CHD8: variants seen among roughly 807,000 people sequenced by gnomAD.
The protein encoded by CHD8 is ATP-dependent chromatin remodeler CHD8.
A neutral mutation model predicts 279.2 loss-of-function variants in CHD8; 31 were observed. The ratio of observed to expected loss-of-function variants is 0.11; its 90% CI spans 0.08 to 0.15. The LOEUF (loss-of-function observed/expected upper bound fraction) is 0.15. Among genes scored for constraint, CHD8 ranks in the 10% least tolerant of loss-of-function variants. The pLI is 1.00. For synonymous variants in CHD8, 1,081 were observed against 1,139.6 expected, an observed-to-expected ratio of 0.95 and a Z score of 1.04; for missense variants, 2,146 against 3,230.5, an observed-to-expected ratio of 0.66 and a Z score of 8.14.
intron 1 of CHD8, among the ~76,000 whole-genome samples, chr14:21,453,236 T>C (rs1294065084): frequency 6.6e-6 from 1 of 151,634 alleles, no homozygotes; most frequent in Admixed American, 6.6e-5. Context: ...GTTTCAATTT[T>C]CACGAGGTCA....
intron 1 of CHD8, among the ~76,000 whole-genome samples, chr14:21,446,855 A>G (rs1399517425): frequency 2.0e-5 from 3 of 152,186 alleles, no homozygotes; most frequent in Non-Finnish European, 4.4e-5. Flanking sequence ...CTTTGTTGTA[A>G]AGATTGAATA....
At position 21,386,107 on chromosome 14, in the gene CHD8, GCTT is replaced by G. The variant is rs1566404218; in HGVS notation, c.7249_7251del (p.Lys2417del). 1 of 1,555,410 alleles carries G rather than the reference GCTT, an allele frequency of 6.4e-7. No homozygotes were observed. Among genetic ancestry groups the G allele is most frequent in the South Asian group, 1.2e-5 (1 of 84,278 alleles). On this transcript the variant is annotated inframe_deletion, in exon 38 of 38. Transcript: ENST00000646647. ...AGGTCTGGTCGCATCCTACGGGCCC[GCTT>G]CTTGCTGCTCTCTGGTGCAATAGGC...
intron 9 of CHD8, 61 bp from the exon 10 acceptor site, chr14:21,413,057 C>T (rs1221393811): frequency 1.1e-6 from 1 of 950,088 alleles, no homozygotes; most frequent in African/African-American, 1.6e-5. Flanking sequence ...AAACCCACTC[C>T]TCTACCTCAC....
At chr14:21,450,631 A>G (rs1018925422) in intron 1 of CHD8, among the ~76,000 whole-genome samples, 23 of 152,034 alleles carry the variant, frequency 1.5e-4, no homozygotes, top group African/African-American at 5.6e-4. Context: ...TCCAGCCTAC[A>G]TAACAAACAC....
At position 21,392,706 on chromosome 14, in the gene CHD8, A is replaced by C; in HGVS notation, c.6572T>G (p.Leu2191Trp). Residue 2191 changes from leucine (L) to tryptophan (W), a missense_variant, in exon 34 of 38, where the codon TTG (leucine) becomes TGG (tryptophan). Physicochemically the swap from Leu to Trp is moderately conservative, Grantham distance 61 (BLOSUM62 -2). Around this residue, in one of 26 missense-constraint regions of CHD8, gnomAD observed 513 missense variants for 637.6 expected, o/e 0.80. Transcript: ENST00000646647. Reference protein sequence around the residue: ...RSQEMVTGGILGPGNHLLDSP... With the variant: ...RSQEMVTGGIWGPGNHLLDSP... ...GTCTAGCAAGTGGTTGCCTGGCCCC[A>C]AAATTCCTCCTGTTACCATTTCCTG... 6.2e-7 allele frequency: 1 copy of C among 1,613,994 alleles called. No individual in the cohort carries two copies.
chr14:21,403,494 C>A lies in CHD8; in HGVS notation c.3477G>T (p.Val1159=). 4 of 1,613,566 alleles carry A rather than the reference C, an allele frequency of 2.5e-6. No individual in the cohort carries two copies. Among genetic ancestry groups the A allele is most frequent in the Non-Finnish European group, 3.4e-6 (4 of 1,179,688 alleles). The change falls in exon 17 of 38, where the codon GTG becomes GTT. Residue 1159 remains valine (V), a synonymous_variant. Coordinates refer to ENST00000646647, the MANE Select transcript of CHD8 (RefSeq NM_001170629.2). The surrounding 1 kb of genome is among the most constrained non-coding windows in gnomAD (Gnocchi z 4.3). ...GHKVLIFSQM[V]RCLDILEDYL... The stretch of plus-strand genomic sequence containing the variant: ...AATCCTCTAGGATGTCTAGGCAGCG[C>A]ACCATCTGAGAGAAGATCAGAACTT...
intron 20 of CHD8, chr14:21,401,729 C>T (rs1170535706): frequency 6.9e-6 from 4 of 582,610 alleles, no homozygotes; most frequent in South Asian, 2.3e-5. Context: ...GGACGACAGG[C>T]GCAAGCCACC....
intron 21 of CHD8, 146 bp downstream of exon 21, chr14:21,401,257 C>T (rs931150203): frequency 2.7e-6 from 2 of 741,016 alleles, no homozygotes; most frequent in Non-Finnish European, 4.3e-6. Context: ...TCTGGGGCCT[C>T]CTAGGTAGAA....
chr14:21,421,128 C>A (rs949310338), intron 5 of CHD8, among the ~76,000 whole-genome samples: 1 of 152,000 alleles, frequency 6.6e-6, no homozygotes, highest in African/African-American at 2.4e-5. Context: ...TCACACAGGG[C>A]CAAAGGACAA....
chr14:21,440,066 T>C (rs1253779985), intron 1 of CHD8, among the ~76,000 whole-genome samples: 1 of 152,188 alleles, frequency 6.6e-6, no homozygotes, highest in Non-Finnish European at 1.5e-5. Flanking sequence ...CATTTGTGTA[T>C]GTATGTGGGA....
intron 1 of CHD8, among the ~76,000 whole-genome samples, chr14:21,439,593 T>A (rs182630882): frequency 1.3e-5 from 2 of 152,230 alleles, no homozygotes; most frequent in East Asian, 3.8e-4. Flanking sequence ...CCCTTACTTA[T>A]GTAGTTGCTT....
At chr14:21,428,583 T>C (rs1361418204) in intron 3 of CHD8, among the ~76,000 whole-genome samples, 2 of 152,158 alleles carry the variant, frequency 1.3e-5, no homozygotes, top group African/African-American at 2.4e-5. Flanking sequence ...CAAATTCTAC[T>C]CTTGGCCTAC....
intron 26 of CHD8, chr14:21,398,664 G>T (rs576290722): frequency 2.0e-5 from 3 of 152,356 alleles, no homozygotes; most frequent in Admixed American, 6.5e-5. Flanking sequence ...TTGGCTGAAA[G>T]TTAACGCTTA....
Position 21,394,206 on chromosome 14 carries a change from C to T in CHD8, c.5600-11G>A. 1 of 1,608,846 alleles carries T rather than the reference C, an allele frequency of 6.2e-7. No individual in the cohort carries two copies. Among genetic ancestry groups the T allele is most frequent in the Non-Finnish European group, 8.5e-7 (1 of 1,176,152 alleles). On this transcript the variant is annotated splice_polypyrimidine_tract_variant and intron_variant, in intron 31 of 37. Transcript: ENST00000646647. ...TAGGGTCGGGGGGTTCTGCAAGAGA[C>T]AGGAGTAGAAGAAATTAACAGAGTT... is the stretch of plus-strand genomic sequence containing the variant.
At chr14:21,432,080 C>A (rs540263583) in intron 1 of CHD8, among the ~76,000 whole-genome samples, 2 of 152,192 alleles carry the variant, frequency 1.3e-5, no homozygotes, top group Admixed American at 1.3e-4. Flanking sequence ...TGGGCACTTA[C>A]ACCTACAAAC....
intron 8 of CHD8, 78 bp downstream of exon 8, chr14:21,414,860 C>A: frequency 9.4e-7 from 1 of 1,064,930 alleles, no homozygotes; most frequent in Non-Finnish European, 1.4e-6. Flanking sequence ...GGGACACATT[C>A]CCACCCAGGA....
At chr14:21,407,671 C>T (rs754898245) in intron 13 of CHD8, among the ~76,000 whole-genome samples, 7 of 151,060 alleles carry the variant, frequency 4.6e-5, no homozygotes, top group Non-Finnish European at 1.0e-4. Flanking sequence ...TGCAGTGTGA[C>T]GATCTCGGCT....
rs1318684976 is a variant in CHD8 at position 21,437,457 on chromosome 14, A to C, written c.-215-5599T>G. 3 of 182,282 alleles carry C rather than the reference A, an allele frequency of 1.6e-5. No homozygotes were observed. The South Asian group carries it at 3.0e-4, about 18-fold the overall frequency. The allele number at this position is 182,282 out of a possible 1,614,324, so 11.3% of individuals were successfully genotyped here. On this transcript the variant is annotated intron_variant, in intron 1 of 37. Transcript: ENST00000646647. ...TTTCTAGGGCCGAGGCGAAGCCTGC[A>C]GCTTGCTTGAAAAAAGGGGGCTGGC...
chr14:21,419,223 T>A (rs553427756), intron 5 of CHD8, among the ~76,000 whole-genome samples: 147 of 152,206 alleles, frequency 9.7e-4, no homozygotes, highest in African/African-American at 3.5e-3. Context: ...AAAAAAAAAA[T>A]TTAGGAAACA....
Sources: gnomAD v4.1 joint callset for allele counts (sites outside exome capture counted in the v4.1 genomes callset) on GRCh38, gnomAD v4.1.1 for gene constraint, gnomAD v4.1.1 regional missense constraint, Gnocchi (gnomAD v3.1) non-coding constraint, MANE v1.5 for transcripts, NCBI Gene and HGNC (gene_info 2026-07-23, HGNC 2026-07-21) for gene names.